SPIRE1: variants seen among roughly 807,000 people sequenced by gnomAD.
SPIRE1 encodes the protein protein spire homolog 1.
SPIRE1 carries 40 observed loss-of-function variants against 94.1 expected under a neutral mutation model. The ratio of observed to expected loss-of-function variants is 0.43; its 90% confidence interval spans 0.33 to 0.55. The LOEUF (loss-of-function observed/expected upper bound fraction) is 0.55. Among genes scored for constraint, SPIRE1 ranks in the 20% least tolerant of loss-of-function variants. The pLI is 0.06. For synonymous variants in SPIRE1, 376 were observed against 371.7 expected, an observed-to-expected ratio of 1.01 and a Z score of -0.13; for missense variants, 838 against 975.2, an observed-to-expected ratio of 0.86 and a Z score of 1.87.
intron 2 of SPIRE1, among the ~76,000 whole-genome samples, chr18:12,634,005 T>C (rs1323023420): frequency 2.0e-5 from 3 of 152,108 alleles, no homozygotes; most frequent in Non-Finnish European, 2.9e-5. Flanking sequence ...TCCCAGCACT[T>C]TGGGAGGCCG....
chr18:12,660,926 T>A (rs1002656013), upstream of SPIRE1, among the ~76,000 whole-genome samples: 3 of 152,248 alleles, frequency 2.0e-5, no homozygotes, highest in Admixed American at 1.3e-4. Context: ...GTCTTCTAAG[T>A]GTAGTTATAC....
chr18:12,563,132 T>A lies in SPIRE1; in HGVS notation c.373-16228A>T, dbSNP rs189632331. On this transcript the variant is annotated intron_variant, in intron 2 of 16. Transcript: ENST00000409402. ...AATTTCAGTTACAGGGTAGCAAAAG[T>A]AACGATGCATTTTCTCCCATTCACA... Among the ~76,000 whole-genome samples the A allele has an allele frequency of 3.6e-3, 554 of 151,880 alleles. 6 individuals are homozygous for A. The highest frequency in any genetic ancestry group is 5.1e-3 in the Non-Finnish European group (347 of 67,996).
intron 6 of SPIRE1, among the ~76,000 whole-genome samples, chr18:12,503,586 C>A (rs2033735193): frequency 6.6e-6 from 1 of 152,096 alleles, no homozygotes; most frequent in Non-Finnish European, 1.5e-5. Context: ...CCCATTGCTG[C>A]TTGATCTTTG....
chr18:12,472,488 C>G (rs2032400565), intron 10 of SPIRE1, among the ~76,000 whole-genome samples: 1 of 151,516 alleles, frequency 6.6e-6, no homozygotes, highest in Admixed American at 6.6e-5. Context: ...CCACCTCAGC[C>G]TCCCAAGTAG....
intron 10 of SPIRE1, among the ~76,000 whole-genome samples, chr18:12,473,217 T>C (rs1042020131): frequency 1.1e-4 from 17 of 152,160 alleles, no homozygotes; most frequent in African/African-American, 4.1e-4. Flanking sequence ...GCCACCCACC[T>C]GGCTCATTAT....
chr18:12,576,717 G>A (rs551047701), intron 2 of SPIRE1, among the ~76,000 whole-genome samples: 13 of 150,684 alleles, frequency 8.6e-5, no homozygotes, highest in African/African-American at 1.9e-4. Flanking sequence ...GTGAAACCCC[G>A]TCTCTACTAA....
At chr18:12,651,299 C>G (rs1287070461) in intron 1 of SPIRE1, among the ~76,000 whole-genome samples, 4 of 152,190 alleles carry the variant, frequency 2.6e-5, no homozygotes, top group African/African-American at 9.7e-5. Context: ...GAAACCTACA[C>G]ATATACTTCA....
chr18:12,524,385 A>G (rs1426570777), intron 4 of SPIRE1, among the ~76,000 whole-genome samples: 1 of 152,232 alleles, frequency 6.6e-6, no homozygotes, highest in Non-Finnish European at 1.5e-5. Context: ...GGTTTAAACC[A>G]AAATCCCATG....
intron 8 of SPIRE1, among the ~76,000 whole-genome samples, chr18:12,488,794 G>A (rs1432752997): frequency 6.6e-6 from 1 of 152,126 alleles, no homozygotes; most frequent in African/African-American, 2.4e-5. Flanking sequence ...AATATTTTAA[G>A]TATTTTCATC....
At chr18:12,554,819 T>G (rs2035453257) in intron 2 of SPIRE1, among the ~76,000 whole-genome samples, 2 of 152,244 alleles carry the variant, frequency 1.3e-5, no homozygotes, top group African/African-American at 4.8e-5. Flanking sequence ...TGCATAGAGC[T>G]GATAAATTTC....
intron 2 of SPIRE1, among the ~76,000 whole-genome samples, chr18:12,565,517 G>A (rs2035794845): frequency 6.6e-6 from 1 of 151,940 alleles, no homozygotes; most frequent in Non-Finnish European, 1.5e-5. Context: ...TGGGATTACA[G>A]GTGCACACCA....
At chr18:12,626,265 C>T (rs1369514126) in intron 2 of SPIRE1, among the ~76,000 whole-genome samples, 1 of 152,148 alleles carries the variant, frequency 6.6e-6, no homozygotes, top group Non-Finnish European at 1.5e-5. Context: ...GGGTCAAAAA[C>T]TGTACATAAC....
At chr18:12,636,519 A>AG (rs2037933613) in intron 1 of SPIRE1, among the ~76,000 whole-genome samples, 1 of 151,938 alleles carries the variant, frequency 6.6e-6, no homozygotes, top group African/African-American at 2.4e-5. Context: ...AGTTGGTTGA[A>AG]AAAAAAACAA....
intron 1 of SPIRE1, among the ~76,000 whole-genome samples, chr18:12,642,501 G>A (rs945443673): frequency 9.2e-5 from 14 of 152,080 alleles, no homozygotes; most frequent in Admixed American, 1.3e-4. Context: ...ATTAAAACCC[G>A]CCACAAAATT....
intron 4 of SPIRE1, among the ~76,000 whole-genome samples, chr18:12,518,003 T>G (rs2034245864): frequency 1.3e-5 from 2 of 152,140 alleles, no homozygotes; most frequent in South Asian, 4.1e-4. Context: ...TTTCAAAAAT[T>G]CCTTGAACAA....
chr18:12,632,551 T>A (rs2037811528), intron 2 of SPIRE1, among the ~76,000 whole-genome samples: 1 of 152,202 alleles, frequency 6.6e-6, no homozygotes. Flanking sequence ...TTTTTTTAAA[T>A]CAAACAATAT....
At chr18:12,568,146 G>A (rs960452793) in intron 2 of SPIRE1, among the ~76,000 whole-genome samples, 5 of 152,226 alleles carry the variant, frequency 3.3e-5, no homozygotes, top group Admixed American at 2.6e-4. Context: ...GGTACTTCAA[G>A]GATGCTGGGG....
chr18:12,510,284 T>G (rs1162528467), intron 5 of SPIRE1, among the ~76,000 whole-genome samples: 1 of 152,058 alleles, frequency 6.6e-6, no homozygotes, highest in African/African-American at 2.4e-5. Context: ...TTATTTTGAT[T>G]GTGGTGATGG....
At chr18:12,451,025 G>A (rs1043588974) in intron 16 of SPIRE1, 9 of 544,840 alleles carry the variant, frequency 1.7e-5, no homozygotes, top group Non-Finnish European at 2.7e-5. Flanking sequence ...GGAAGAAGGA[G>A]GGGAGGAGGA....
Sources: gnomAD v4.1 joint callset for allele counts (sites outside exome capture counted in the v4.1 genomes callset) on GRCh38, gnomAD v4.1.1 for gene constraint, MANE v1.5 for transcripts, NCBI Gene and HGNC (gene_info 2026-07-23, HGNC 2026-07-21) for gene names.